RELN: variants seen among roughly 807,000 people sequenced by gnomAD.
The protein encoded by RELN is reelin.
Under a neutral mutation model 427.6 loss-of-function variants are expected in RELN, and 108 were observed. That is an observed-to-expected ratio of 0.25 (90% CI 0.22 to 0.30). RELN has a LOEUF of 0.30. Among genes scored for constraint, RELN ranks in the 10% least tolerant of loss-of-function variants. The pLI is 1.00. For missense variants in RELN, 3,715 were observed against 4,302.8 expected, an observed-to-expected ratio of 0.86 and a Z score of 3.82; for synonymous variants, 1,524 against 1,513.4, an observed-to-expected ratio of 1.01 and a Z score of -0.16.
At position 103,566,375 on chromosome 7, in the gene RELN, A is replaced by T. The variant is rs1216022913; in HGVS notation, c.4785T>A (p.Leu1595=). The change falls in exon 33 of 65, where the codon CTT becomes CTA. Residue 1595 remains leucine (L), a synonymous_variant. Transcript: ENST00000428762. ...HSAQWALDDV[L]IGMNDSSQTG... is the part of the protein sequence containing the mutation. ...TTTGAGAGCTGTCATTCATTCCTAT[A>T]AGAACATCATCCAAAGCCCACTGGG... The T allele has an allele frequency of 1.2e-6, 2 of 1,614,022 alleles. No individual in the cohort carries two copies. Among genetic ancestry groups the T allele is most frequent in the African/African-American group, 2.7e-5 (2 of 74,928 alleles).
Position 103,654,148 on chromosome 7 carries a change from A to C in RELN, c.1499T>G (p.Ile500Ser). The C allele has an allele frequency of 6.2e-7, 1 of 1,611,218 alleles. No individual in the cohort carries two copies. Among genetic ancestry groups the C allele is most frequent in the Non-Finnish European group, 8.5e-7 (1 of 1,177,892 alleles). ...TGTTATATGCTCTTTTCTTCCTTCA[A>C]TTTTTGCATACAGGATTATGTCATT... ...HENDIILYAKIEGRKEHITLD... is the reference protein window; with the variant it reads ...HENDIILYAKSEGRKEHITLD... The change falls in exon 13 of 65, where the codon ATT (isoleucine) becomes AGT (serine). Residue 500 changes from isoleucine (I) to serine (S), a missense_variant. Physicochemically the swap from Ile to Ser is moderately radical, Grantham distance 142. Transcript: ENST00000428762.
At chr7:103,728,460 CCT>C (rs941268403) in intron 6 of RELN, among the ~76,000 whole-genome samples, 5 of 152,182 alleles carry the variant, frequency 3.3e-5, no homozygotes, top group Admixed American at 1.3e-4. Context: ...AGTTTCCTCA[CCT>C]GTAAAACGAG....
intron 3 of RELN, among the ~76,000 whole-genome samples, chr7:103,787,485 A>G (rs1001128636): frequency 1.3e-5 from 2 of 152,204 alleles, no homozygotes; most frequent in African/African-American, 4.8e-5. Flanking sequence ...AGTCACAATA[A>G]AAATGATAAA....
chr7:103,667,576 A>C (rs1833298511), intron 11 of RELN, among the ~76,000 whole-genome samples: 2 of 152,216 alleles, frequency 1.3e-5, no homozygotes, highest in Admixed American at 1.3e-4. Context: ...CTTCATCCAA[A>C]GCTTATATAT....
chr7:103,622,862 C>G (rs1832250636), intron 20 of RELN, among the ~76,000 whole-genome samples: 1 of 152,182 alleles, frequency 6.6e-6, no homozygotes, highest in Non-Finnish European at 1.5e-5. Context: ...GAAGTAAGGT[C>G]CACAAGCAAA....
intron 2 of RELN, among the ~76,000 whole-genome samples, chr7:103,898,197 T>C (rs925060456): frequency 6.6e-6 from 1 of 151,970 alleles, no homozygotes; most frequent in Non-Finnish European, 1.5e-5. Flanking sequence ...TGGATATGGG[T>C]GTGTAGGTAT....
In RELN at chr7:103,953,379, T is replaced by C. The variant is rs141520776; in HGVS notation, c.226+35752A>G. Among the ~76,000 whole-genome samples, 25 of 152,290 alleles carry C rather than the reference T, an allele frequency of 1.6e-4. No homozygotes were observed. The highest frequency in any genetic ancestry group is 6.0e-4 in the African/African-American group (25 of 41,568). On this transcript the variant is annotated intron_variant, in intron 1 of 64. Transcript: ENST00000428762. The surrounding 1 kb of genome is among the most constrained non-coding windows in gnomAD (Gnocchi z 4.3). The stretch of plus-strand genomic sequence containing the variant: ...CTCTGCCACAGACCATCAAGAAGAC[T>C]CAAGACAACTCAGATAACGTGATTC...
chr7:103,556,899 C>G, intron 38 of RELN, 78 bp downstream of exon 38: 1 of 1,214,256 alleles, frequency 8.2e-7, no homozygotes, highest in Non-Finnish European at 1.2e-6. Flanking sequence ...TTGACAAACA[C>G]TTCCTCCACA....
Position 103,489,909 on chromosome 7 carries a change from C to T in RELN, c.9606-10G>A, listed in dbSNP as rs776436361. 5.0e-6 allele frequency: 8 copies of T among 1,613,962 alleles called. No homozygotes were observed. The African/African-American group carries it at 9.3e-5, about 19-fold the overall frequency. ...GCGGAACTGTGTTGCACTGAAAGAACCACAGAGAGCAGAAGGGATTCAGTA... is the reference window on the plus strand; with the variant it reads ...GCGGAACTGTGTTGCACTGAAAGAATCACAGAGAGCAGAAGGGATTCAGTA... On this transcript the variant is annotated splice_polypyrimidine_tract_variant and intron_variant, in intron 59 of 64. Transcript: ENST00000428762.
At chr7:103,835,267 G>C (rs977407244) in intron 2 of RELN, among the ~76,000 whole-genome samples, 5 of 152,188 alleles carry the variant, frequency 3.3e-5, no homozygotes, top group African/African-American at 1.2e-4. Flanking sequence ...ACATTAAAAA[G>C]ATCAGGAGTT....
intron 3 of RELN, among the ~76,000 whole-genome samples, chr7:103,804,957 GT>G (rs1225083327): frequency 6.6e-6 from 1 of 152,042 alleles, no homozygotes; most frequent in Non-Finnish European, 1.5e-5. Flanking sequence ...TCATCAGGAG[GT>G]CTAGCAGGGA....
chr7:103,614,214 T>C (rs189320697), intron 20 of RELN, among the ~76,000 whole-genome samples: 3 of 152,346 alleles, frequency 2.0e-5, no homozygotes, highest in Admixed American at 1.3e-4. Flanking sequence ...ACTGTATCTG[T>C]TCAACTGGTA....
chr7:103,727,813 T>C (rs1790250852), intron 7 of RELN, among the ~76,000 whole-genome samples: 1 of 152,176 alleles, frequency 6.6e-6, no homozygotes, highest in Admixed American at 6.6e-5. Context: ...AGGTCATAAA[T>C]TGTTTATTAT....
At position 103,490,775 on chromosome 7, in the gene RELN, G is replaced by T; in HGVS notation, c.9498C>A (p.Ser3166Arg). The T allele has an allele frequency of 6.2e-7, 1 of 1,614,204 alleles. No homozygotes were observed. ...QTQCLPSSSNSIGCSPFQFHE... is the reference protein window; with the variant it reads ...QTQCLPSSSNRIGCSPFQFHE... Reference sequence around the variant, plus strand: ...GGAACTGGAAAGGGGAGCAGCCAATGCTGTTAGAAGAGGAAGGAAGGCACT... The same window carrying T: ...GGAACTGGAAAGGGGAGCAGCCAATTCTGTTAGAAGAGGAAGGAAGGCACT... The change falls in exon 59 of 65, where the codon AGC becomes AGA. Residue 3166 changes from serine to arginine, a missense_variant. Physicochemically the swap from Ser to Arg is moderately radical, Grantham distance 110. This residue lies in a region of RELN where 1,310 missense variants were observed against 1,643.0 expected (regional missense o/e 0.80). Coordinates refer to ENST00000428762, the MANE Select transcript of RELN (RefSeq NM_005045.4).
At chr7:103,630,860 G>GTTTTTTTTTTTTTTTTTTT (rs1224190919) in intron 19 of RELN, among the ~76,000 whole-genome samples, 1 of 134,506 alleles carries the variant, frequency 7.4e-6, no homozygotes, top group African/African-American at 2.9e-5. Context: ...TGTTTTTTTT[G>GTTTTTTTTTTTTTTTTTTT]TTTTTTTTTT....
chr7:103,828,473 C>T (rs1030821459), intron 3 of RELN, among the ~76,000 whole-genome samples: 12 of 151,884 alleles, frequency 7.9e-5, no homozygotes, highest in Non-Finnish European at 1.5e-4. Flanking sequence ...GCTTGGTTTT[C>T]ATTCTGTTTT....
At chr7:103,503,903 A>AC (rs1249948571) in intron 51 of RELN, among the ~76,000 whole-genome samples, 1 of 151,214 alleles carries the variant, frequency 6.6e-6, no homozygotes, top group East Asian at 1.9e-4. Flanking sequence ...TAAAAAAAAA[A>AC]AAAAAAAAAA....
At chr7:103,717,374 AAAAG>A in intron 8 of RELN, among the ~76,000 whole-genome samples, 1 of 150,984 alleles carries the variant, frequency 6.6e-6, no homozygotes, top group East Asian at 1.9e-4. Context: ...ACATTCCCTA[AAAAG>A]GTCATCTCTG....
Position 103,661,450 on chromosome 7 carries a change from T to A in RELN, c.1367A>T (p.Asp456Val), listed in dbSNP as rs139378075. 6.2e-7 allele frequency: 1 copy of A among 1,613,548 alleles called. No individual in the cohort carries two copies. The highest frequency in any genetic ancestry group is 1.3e-5 in the African/African-American group (1 of 74,884). ...ESGLSMVFLK[D>V]GERKLCTPSM... ...TGGAGTGCATAATTTCCTCTCTCCA[T>A]CTTTGAGGAAGACCATTGATAAGCC... The change falls in exon 12 of 65, where the codon GAT (aspartate) becomes GTT (valine). Residue 456 changes from aspartate (D) to valine (V), a missense_variant. By Grantham distance (152) the Asp-to-Val change is radical. Around this residue, in one of 4 missense-constraint regions of RELN, gnomAD observed 2,208 missense variants for 2,361.7 expected, o/e 0.93. Coordinates refer to ENST00000428762, the MANE Select transcript of RELN (RefSeq NM_005045.4).
Sources: allele counts gnomAD v4.1 joint callset (sites outside exome capture counted in the v4.1 genomes callset), GRCh38; gene constraint gnomAD v4.1.1; regional missense constraint gnomAD v4.1.1; non-coding constraint Gnocchi (gnomAD v3.1); transcripts MANE v1.5; gene names NCBI Gene and HGNC (gene_info 2026-07-23, HGNC 2026-07-21).